The following MAP2K6 variants were observed in gnomAD, a reference collection of about 807,000 sequenced individuals.
MAP2K6 encodes dual specificity mitogen-activated protein kinase kinase 6.
In MAP2K6, 16 loss-of-function variants were observed where a neutral mutation model predicts 53.7. The observed-to-expected ratio is 0.30, with a 90% CI of 0.20 to 0.45. MAP2K6 has a LOEUF of 0.45. MAP2K6 is among the 20% of genes least tolerant of loss of function. The probability of loss-of-function intolerance (pLI) is 1.00; values close to 1 mark genes in which losing one functional copy is unlikely to be tolerated. For missense variants in MAP2K6, 204 were observed against 411.9 expected (o/e 0.50, Z 4.37); for synonymous variants, 132 against 143.1 (o/e 0.92, Z 0.55).
chr17:69,492,131 G>T (rs1402658740), intron 1 of MAP2K6, among the ~76,000 whole-genome samples: 3 of 152,078 alleles, frequency 2.0e-5, no homozygotes, highest in Non-Finnish European at 4.4e-5. Flanking sequence ...AATTTCTTTA[G>T]CTGTGCAGAT....
At chr17:69,520,978 C>A in intron 6 of MAP2K6, 71 bp from the exon 7 acceptor site, 1 of 1,249,912 alleles carries the variant, frequency 8.0e-7, no homozygotes, top group Non-Finnish European at 1.1e-6. Flanking sequence ...GATAATAAAC[C>A]TTGATATACT....
chr17:69,475,573 A>G (rs1211533920), intron 1 of MAP2K6, among the ~76,000 whole-genome samples: 1 of 152,232 alleles, frequency 6.6e-6, no homozygotes, highest in Non-Finnish European at 1.5e-5. Flanking sequence ...TGTACACACA[A>G]AGAACATTTT....
intron 1 of MAP2K6, among the ~76,000 whole-genome samples, chr17:69,489,991 G>A (rs1908681273): frequency 6.6e-6 from 1 of 152,200 alleles, no homozygotes; most frequent in Non-Finnish European, 1.5e-5. Context: ...ACAGCCATGG[G>A]GCAAAGGATT....
chr17:69,449,656 A>G (rs1362260287), intron 1 of MAP2K6, among the ~76,000 whole-genome samples: 9 of 114,910 alleles, frequency 7.8e-5, no homozygotes. Flanking sequence ...GCTGTCGCCC[A>G]GGCTAGAGTG....
chr17:69,444,138 A>G (rs1005642477), intron 1 of MAP2K6, among the ~76,000 whole-genome samples: 1 of 152,146 alleles, frequency 6.6e-6, no homozygotes, highest in Admixed American at 6.5e-5. Flanking sequence ...AGATGATCTA[A>G]TCTCCTAGGT....
rs114161678 is a variant in MAP2K6 at position 69,422,423 on chromosome 17, C to T, written c.16+7423C>T. Among the ~76,000 whole-genome samples the T allele has an allele frequency of 3.3e-3, 509 of 152,270 alleles. 1 individual carries two copies. The highest frequency in any genetic ancestry group is 0.011 in the African/African-American group (474 of 41,546). ...CTGGGATTACAGGTATGAGCCACCA[C>T]GCCTGGCCAAATCATCGTAATTTAG... On this transcript the variant is annotated intron_variant, in intron 1 of 11. Coordinates refer to ENST00000590474, the MANE Select transcript of MAP2K6 (RefSeq NM_002758.4).
chr17:69,493,781 AT>A (rs1279979306), intron 1 of MAP2K6, among the ~76,000 whole-genome samples: 1 of 32,120 alleles, frequency 3.1e-5, no homozygotes, highest in Non-Finnish European at 8.7e-5. Flanking sequence ...AAAAAAAAAA[AT>A]ATATGTATAC....
intron 1 of MAP2K6, among the ~76,000 whole-genome samples, chr17:69,491,999 G>T (rs1908773052): frequency 6.6e-6 from 1 of 151,894 alleles, no homozygotes; most frequent in East Asian, 1.9e-4. Flanking sequence ...TTTTTAATGG[G>T]GCTGTTTGCT....
At chr17:69,521,385 A>G (rs1055920046) in intron 7 of MAP2K6, 1 of 324,324 alleles carries the variant, frequency 3.1e-6, no homozygotes, top group African/African-American at 2.1e-5. Context: ...ATTTTAGAGA[A>G]TATGATAAAA....
chr17:69,492,725 G>A (rs905783687), intron 1 of MAP2K6, among the ~76,000 whole-genome samples: 1 of 152,134 alleles, frequency 6.6e-6, no homozygotes, highest in African/African-American at 2.4e-5. Context: ...CTGCCCCTCT[G>A]TGTAAGGACA....
At chr17:69,462,659 G>A (rs1907658882) in intron 1 of MAP2K6, among the ~76,000 whole-genome samples, 1 of 152,262 alleles carries the variant, frequency 6.6e-6, no homozygotes, top group South Asian at 2.1e-4. Context: ...GGCCTCTCCT[G>A]CACTATTCTC....
intron 6 of MAP2K6, 59 bp downstream of exon 6, chr17:69,520,445 C>G (rs1910406560): frequency 4.1e-6 from 4 of 967,618 alleles, no homozygotes; most frequent in African/African-American, 1.6e-5. Context: ...CCCTATGTGT[C>G]TTTGGACCTC....
intron 2 of MAP2K6, among the ~76,000 whole-genome samples, chr17:69,515,431 A>G (rs544454680): frequency 4.6e-4 from 70 of 152,302 alleles, no homozygotes; most frequent in African/African-American, 1.6e-3. Flanking sequence ...TGCTGGGATT[A>G]CAGCTGTGAG....
At chr17:69,478,265 A>G (rs546411472) in intron 1 of MAP2K6, among the ~76,000 whole-genome samples, 65 of 152,328 alleles carry the variant, frequency 4.3e-4, no homozygotes, top group African/African-American at 1.6e-3. Context: ...TTTGCTTTCT[A>G]GTTTCCCCAT....
chr17:69,474,406 T>C (rs1317650055), intron 1 of MAP2K6, among the ~76,000 whole-genome samples: 1 of 152,202 alleles, frequency 6.6e-6, no homozygotes, highest in Non-Finnish European at 1.5e-5. Context: ...TGGATGATTG[T>C]TTTATAGGGC....
chr17:69,491,730 G>GTTA (rs55714549), intron 1 of MAP2K6, among the ~76,000 whole-genome samples: 3,542 of 143,332 alleles, frequency 0.025, 147 homozygotes, highest in African/African-American at 0.083. Flanking sequence ...GCTGGCATCT[G>GTTA]TTATTATTAT....
intron 4 of MAP2K6, 74 bp from the exon 5 acceptor site, chr17:69,519,239 T>C (rs1436028243): frequency 1.1e-5 from 17 of 1,506,452 alleles, no homozygotes; most frequent in Non-Finnish European, 1.5e-5. Flanking sequence ...ATTTTCACGA[T>C]GGGACTCCTT....
rs984723085 is a variant in MAP2K6, at chr17:69,550,629, A to G, written c.*8876A>G. On this transcript the variant is annotated 3_prime_UTR_variant, in exon 12 of 12. Transcript: ENST00000590474. ...TGTTGTATGTTCAATACTTGGGGAG[A>G]TAAGAGCGAGGTACAGCTGTGGTTT... The G allele has an allele frequency of 1.8e-4, 27 of 152,034 alleles. No homozygotes were observed. The highest frequency in any genetic ancestry group is 6.5e-4 in the African/African-American group (27 of 41,380). 9.4% of individuals were successfully genotyped at this position (152,034 alleles called of 1,614,324 possible). A position where few individuals can be genotyped will look rare whatever the true frequency, so the allele number is the denominator to read the frequency against.
chr17:69,496,232 G>A lies in MAP2K6; in HGVS notation c.17-9548G>A, dbSNP rs142748759. ...AACGTAATTCTTTGTGTCCTTCACC[G>A]ATTCTTCGAAATGTTCTTAGCTTGG... On this transcript the variant is annotated intron_variant, in intron 1 of 11. Coordinates refer to ENST00000590474, the MANE Select transcript of MAP2K6 (RefSeq NM_002758.4). Among the ~76,000 whole-genome samples, 72 of 151,104 alleles carry A rather than the reference G, an allele frequency of 4.8e-4. 1 individual carries two copies. The highest frequency in any genetic ancestry group is 4.5e-3 in the East Asian group (23 of 5,152).
Sources: gnomAD v4.1 joint callset for allele counts (sites outside exome capture counted in the v4.1 genomes callset) on GRCh38, gnomAD v4.1.1 for gene constraint, MANE v1.5 for transcripts, NCBI Gene and HGNC (gene_info 2026-07-23, HGNC 2026-07-21) for gene names.